The following LCLAT1 variants were observed in gnomAD, a reference collection of about 807,000 sequenced individuals.
LCLAT1 encodes the protein lysocardiolipin acyltransferase 1, also known as 1-AGP acyltransferase 8.
In LCLAT1, 11 loss-of-function variants were observed where a neutral mutation model predicts 30.7. That is an observed-to-expected ratio of 0.36 (90% confidence interval 0.23 to 0.59). LCLAT1 has a LOEUF of 0.59. Among genes scored for constraint, LCLAT1 ranks in the 20% least tolerant of loss-of-function variants. The pLI is 0.77. For missense variants in LCLAT1, 402 were observed against 458.6 expected (o/e 0.88, Z 1.13); for synonymous variants, 155 against 151.3 (o/e 1.02, Z -0.18).
In LCLAT1 at chr2:30,640,705, CTA is replaced by C; in HGVS notation, c.*88_*89del. ...TAAGCTCAGATGCATTTTTGCATGA[CTA>C]TGTCGAATATTTCTTACTGCCATCA... On this transcript the variant is annotated 3_prime_UTR_variant, in exon 6 of 6. Transcript: ENST00000379509. The C allele has an allele frequency of 6.9e-7, 1 of 1,446,420 alleles. No individual in the cohort carries two copies. The highest frequency in any genetic ancestry group is 9.3e-7 in the Non-Finnish European group (1 of 1,080,342). 89.6% of individuals were successfully genotyped at this position (1,446,420 alleles called of 1,614,324 possible).
chr2:30,617,849 A>C (rs776049838), intron 5 of LCLAT1, among the ~76,000 whole-genome samples: 1 of 152,096 alleles, frequency 6.6e-6, no homozygotes, highest in African/African-American at 2.4e-5. Flanking sequence ...GGGTTGCTTT[A>C]TTATGGGCTT....
At chr2:30,526,709 G>C (rs773808637) in intron 2 of LCLAT1, among the ~76,000 whole-genome samples, 1 of 152,140 alleles carries the variant, frequency 6.6e-6, no homozygotes, top group Non-Finnish European at 1.5e-5. Flanking sequence ...CACGTACCTA[G>C]CATTTTGCTA....
chr2:30,543,224 A>T (rs1240553070), intron 3 of LCLAT1, among the ~76,000 whole-genome samples: 1 of 152,120 alleles, frequency 6.6e-6, no homozygotes, highest in East Asian at 1.9e-4. Context: ...TTAGAATGAT[A>T]AGATGAATTT....
chr2:30,575,147 T>A (rs1264610401), intron 5 of LCLAT1, among the ~76,000 whole-genome samples: 1 of 152,130 alleles, frequency 6.6e-6, no homozygotes, highest in Admixed American at 6.6e-5. Flanking sequence ...GCTTAAGTGT[T>A]TTTTCCACTT....
chr2:30,554,046 C>T (rs750690252), intron 3 of LCLAT1, among the ~76,000 whole-genome samples: 2 of 151,172 alleles, frequency 1.3e-5, no homozygotes, highest in East Asian at 1.9e-4. Flanking sequence ...ATTTTTTTAT[C>T]GGGAAAAAAA....
chr2:30,600,135 T>G (rs1298441083), intron 5 of LCLAT1, among the ~76,000 whole-genome samples: 3 of 152,162 alleles, frequency 2.0e-5, no homozygotes, highest in African/African-American at 7.2e-5. Flanking sequence ...CAGCATCTGC[T>G]TGTCTGTAAA....
chr2:30,566,394 G>A (rs1665485407), intron 4 of LCLAT1, among the ~76,000 whole-genome samples: 1 of 151,998 alleles, frequency 6.6e-6, no homozygotes, highest in Non-Finnish European at 1.5e-5. Flanking sequence ...TTGTTTTGTA[G>A]CCCCATGCCC....
chr2:30,479,354 C>G (rs561599802), intron 1 of LCLAT1, among the ~76,000 whole-genome samples: 2 of 151,942 alleles, frequency 1.3e-5, no homozygotes, highest in Admixed American at 1.3e-4. Context: ...CTCAGCCTCC[C>G]AAGTAGTTGG....
chr2:30,599,320 G>A (rs1275302223), intron 5 of LCLAT1, among the ~76,000 whole-genome samples: 2 of 152,096 alleles, frequency 1.3e-5, no homozygotes, highest in African/African-American at 4.8e-5. Flanking sequence ...TAATTTGATT[G>A]TGCTGTGGTC....
intron 3 of LCLAT1, among the ~76,000 whole-genome samples, chr2:30,551,443 A>G (rs187419608): frequency 1.6e-4 from 24 of 152,268 alleles, no homozygotes; most frequent in African/African-American, 5.8e-4. Context: ...TAGACTCAGC[A>G]TTTCGCTAAG....
chr2:30,628,752 T>C (rs1408902004), intron 5 of LCLAT1, among the ~76,000 whole-genome samples: 2 of 152,050 alleles, frequency 1.3e-5, no homozygotes, highest in Non-Finnish European at 2.9e-5. Context: ...AAAACTGATA[T>C]CCATTTGAAA....
At chr2:30,594,326 A>C (rs1167141902) in intron 5 of LCLAT1, among the ~76,000 whole-genome samples, 2 of 152,294 alleles carry the variant, frequency 1.3e-5, no homozygotes, top group East Asian at 3.9e-4. Flanking sequence ...AACGTATAGC[A>C]AAGTTCAAAG....
At chr2:30,525,548 TG>T in intron 1 of LCLAT1, 38 bp from the exon 2 acceptor site, 1 of 1,510,458 alleles carries the variant, frequency 6.6e-7, no homozygotes, top group Non-Finnish European at 9.2e-7. Flanking sequence ...AGCCGTTAAA[TG>T]TATAGTAACA....
chr2:30,557,980 A>C (rs1421148072), intron 3 of LCLAT1, among the ~76,000 whole-genome samples: 1 of 152,232 alleles, frequency 6.6e-6, no homozygotes, highest in African/African-American at 2.4e-5. Flanking sequence ...TGCTTCACAT[A>C]ATCCATAAAA....
intron 5 of LCLAT1, among the ~76,000 whole-genome samples, chr2:30,631,102 C>T (rs1302088941): frequency 6.6e-6 from 1 of 152,164 alleles, no homozygotes; most frequent in African/African-American, 2.4e-5. Context: ...TTGACACAGC[C>T]ACAACTTTAG....
chr2:30,614,380 A>T (rs1667889891), intron 5 of LCLAT1, among the ~76,000 whole-genome samples: 1 of 151,486 alleles, frequency 6.6e-6, no homozygotes, highest in Admixed American at 6.6e-5. Context: ...GGAGTCTCCT[A>T]TGTCTACTTC....
chr2:30,593,929 A>AG (rs1402915669), intron 5 of LCLAT1, among the ~76,000 whole-genome samples: 23 of 151,576 alleles, frequency 1.5e-4, no homozygotes, highest in African/African-American at 5.6e-4. Context: ...TCTCAAAAAA[A>AG]AAAAAAAAAG....
chr2:30,637,403 G>A (rs1237032722), intron 5 of LCLAT1, among the ~76,000 whole-genome samples: 1 of 152,010 alleles, frequency 6.6e-6, no homozygotes, highest in Non-Finnish European at 1.5e-5. Context: ...CAGTCTATCA[G>A]CAATGGAATA....
chr2:30,508,414 T>C (rs1293328339), intron 1 of LCLAT1, among the ~76,000 whole-genome samples: 2 of 152,210 alleles, frequency 1.3e-5, no homozygotes, highest in African/African-American at 4.8e-5. Context: ...GTTTTATATT[T>C]AAGTCTCTAA....
Sources: gnomAD v4.1 joint callset for allele counts (sites outside exome capture counted in the v4.1 genomes callset) on GRCh38, gnomAD v4.1.1 for gene constraint, MANE v1.5 for transcripts, NCBI Gene and HGNC (gene_info 2026-07-23, HGNC 2026-07-21) for gene names.